The following NRXN1 variants were observed in gnomAD, a reference collection of about 807,000 sequenced individuals.
NRXN1 encodes the protein neurexin-1.
In NRXN1, 39 loss-of-function variants were observed where a neutral mutation model predicts 150.9. The ratio of observed to expected loss-of-function variants is 0.26; its 90% confidence interval spans 0.20 to 0.34. The LOEUF (loss-of-function observed/expected upper bound fraction) is 0.34, where lower values mean the gene tolerates loss of function less well. NRXN1 is among the 10% of genes least tolerant of loss of function. NRXN1 has a pLI of 1.00. For synonymous variants in NRXN1, 924 were observed against 757.0 expected (o/e 1.22, Z -3.62); for missense variants, 1,815 against 1,949.9 (o/e 0.93, Z 1.30).
intron 17 of NRXN1, among the ~76,000 whole-genome samples, chr2:50,278,264 T>TTATATATATATTATATATATTA (rs373512653): frequency 2.6e-4 from 17 of 66,244 alleles, no homozygotes; most frequent in African/African-American, 9.6e-4. Flanking sequence ...ATTATATATA[T>TTATATATATATTATATATATTA]TATATATGTA....
chr2:50,177,807 C>G (rs1482525189), intron 18 of NRXN1, among the ~76,000 whole-genome samples: 1 of 127,260 alleles, frequency 7.9e-6, no homozygotes, highest in Non-Finnish European at 1.7e-5. Context: ...CTCTCTCTCT[C>G]TCTCCTCCTC....
chr2:49,957,824 A>T (rs1447455106), intron 21 of NRXN1, among the ~76,000 whole-genome samples: 1 of 152,142 alleles, frequency 6.6e-6, no homozygotes, highest in Non-Finnish European at 1.5e-5. Context: ...GGGACTTAGG[A>T]GTATATCCCA....
intron 8 of NRXN1, among the ~76,000 whole-genome samples, chr2:50,561,591 T>C (rs1370007299): frequency 6.6e-6 from 1 of 152,162 alleles, no homozygotes; most frequent in Non-Finnish European, 1.5e-5. Context: ...GAACAAACTC[T>C]GCCATAGGTC....
chr2:50,226,964 G>A (rs566952306), intron 18 of NRXN1, among the ~76,000 whole-genome samples: 1 of 152,000 alleles, frequency 6.6e-6, no homozygotes, highest in African/African-American at 2.4e-5. Context: ...CTAAATTCTA[G>A]GCTCATGCTG....
At chr2:50,927,294 T>C (rs948351020) in intron 2 of NRXN1, among the ~76,000 whole-genome samples, 2 of 152,012 alleles carry the variant, frequency 1.3e-5, no homozygotes, top group Admixed American at 1.3e-4. Flanking sequence ...CAGCTGAAAA[T>C]TGAAGTATCA....
At chr2:50,268,970 C>G (rs572791046) in intron 17 of NRXN1, among the ~76,000 whole-genome samples, 3 of 152,200 alleles carry the variant, frequency 2.0e-5, no homozygotes, top group Admixed American at 6.5e-5. Context: ...TAATGCCAAG[C>G]AGACTATGCA....
chr2:50,203,074 T>C (rs1216180412), intron 18 of NRXN1, among the ~76,000 whole-genome samples: 8 of 152,072 alleles, frequency 5.3e-5, no homozygotes, highest in Non-Finnish European at 8.8e-5. Context: ...ATGGCAAAAC[T>C]GTGAAGAGCC....
chr2:50,209,181 G>A lies in NRXN1; in HGVS notation c.3546+27608C>T, dbSNP rs1189531712. On this transcript the variant is annotated intron_variant, in intron 18 of 22. Coordinates refer to ENST00000401669, the MANE Select transcript of NRXN1 (RefSeq NM_001330078.2). ...TGGAGTACTCCACTTCTTTGATAAA[G>A]TGACTATTTTTGCAAAAAGTCTAGT... 4.6e-5 allele frequency among the ~76,000 whole-genome samples: 7 copies of A among 152,194 alleles called. No individual in the cohort carries two copies. In the East Asian group the frequency reaches 1.2e-3, roughly 25 times the overall value.
intron 15 of NRXN1, 80 bp downstream of exon 15, chr2:50,495,825 C>T (rs2104905860): frequency 4.8e-6 from 6 of 1,257,964 alleles, no homozygotes; most frequent in African/African-American, 1.5e-5. Context: ...GGTACAAACA[C>T]ACCCCTAAGC....
chr2:50,202,245 G>T (rs1033190507), intron 18 of NRXN1, among the ~76,000 whole-genome samples: 1 of 152,172 alleles, frequency 6.6e-6, no homozygotes, highest in Admixed American at 6.5e-5. Context: ...GGTGGCTCAC[G>T]CCTGTAATCC....
intron 2 of NRXN1, among the ~76,000 whole-genome samples, chr2:50,952,098 C>G (rs1458988913): frequency 1.3e-5 from 2 of 149,850 alleles, no homozygotes; most frequent in Non-Finnish European, 3.0e-5. Flanking sequence ...TCCCAAGTAG[C>G]TGGGACTATA....
At chr2:50,060,412 T>C (rs184173775) in intron 19 of NRXN1, among the ~76,000 whole-genome samples, 145 of 152,286 alleles carry the variant, frequency 9.5e-4, no homozygotes, top group South Asian at 7.9e-3. Flanking sequence ...TTTGATTTTA[T>C]AGGCTCATAG....
chr2:50,763,944 C>G (rs1462851312), intron 5 of NRXN1, among the ~76,000 whole-genome samples: 1 of 151,756 alleles, frequency 6.6e-6, no homozygotes, highest in Non-Finnish European at 1.5e-5. Flanking sequence ...GACACTCCCA[C>G]TGAGCTGACA....
rs551217988 is a variant in NRXN1, at chr2:49,941,011, G to A, written c.4216+2693C>T. On this transcript the variant is annotated intron_variant, in intron 22 of 22. Transcript: ENST00000401669. Reference sequence around the variant, plus strand: ...GTACAAGAGTGTTAAAGTAGCTGTCGTTAGATAGAATCAGTAGCTGGTGTG... The same window carrying A: ...GTACAAGAGTGTTAAAGTAGCTGTCATTAGATAGAATCAGTAGCTGGTGTG... Among the ~76,000 whole-genome samples the A allele has an allele frequency of 3.3e-5, 5 of 152,192 alleles. No individual in the cohort carries two copies. The East Asian group carries it at 9.7e-4, about 30-fold the overall frequency.
intron 22 of NRXN1, among the ~76,000 whole-genome samples, chr2:49,933,346 A>AAAGT (rs1244407784): frequency 6.6e-6 from 1 of 152,186 alleles, no homozygotes; most frequent in East Asian, 1.9e-4. Context: ...TCGGCCTCCC[A>AAAGT]AAGTGCTGGG....
intron 18 of NRXN1, among the ~76,000 whole-genome samples, chr2:50,118,692 A>T (rs1008157725): frequency 6.6e-6 from 1 of 152,176 alleles, no homozygotes; most frequent in Non-Finnish European, 1.5e-5. Flanking sequence ...GTAATGAACT[A>T]CTGTGGTACT....
intron 5 of NRXN1, among the ~76,000 whole-genome samples, chr2:50,809,008 G>A (rs1394465300): frequency 6.6e-6 from 1 of 152,050 alleles, no homozygotes; most frequent in African/African-American, 2.4e-5. Flanking sequence ...AATTCATAAT[G>A]TCTCTGGCCT....
intron 5 of NRXN1, among the ~76,000 whole-genome samples, chr2:50,736,616 A>C (rs2105240222): frequency 6.6e-6 from 1 of 152,216 alleles, no homozygotes. Context: ...ACAAGATCTG[A>C]TGGTTTTATA....
intron 22 of NRXN1, among the ~76,000 whole-genome samples, chr2:49,922,626 A>G (rs1414254644): frequency 6.6e-6 from 1 of 152,214 alleles, no homozygotes; most frequent in Non-Finnish European, 1.5e-5. Context: ...AGAGGGAATC[A>G]TAAGAATCAA....
Sources: gnomAD v4.1 joint callset for allele counts (sites outside exome capture counted in the v4.1 genomes callset) on GRCh38, gnomAD v4.1.1 for gene constraint, MANE v1.5 for transcripts, NCBI Gene and HGNC (gene_info 2026-07-23, HGNC 2026-07-21) for gene names.